AFTPH: variants seen among roughly 807,000 people sequenced by gnomAD.
AFTPH encodes aftiphilin protein.
AFTPH carries 7 observed loss-of-function variants against 72.5 expected under a neutral mutation model. The ratio of observed to expected loss-of-function variants is 0.10; its 90% CI spans 0.05 to 0.18. AFTPH has a LOEUF of 0.18. Ranked by LOEUF, AFTPH falls within the 10% of genes least tolerant of loss-of-function variation. The probability of loss-of-function intolerance (pLI) is 1.00; values close to 1 mark genes in which losing one functional copy is unlikely to be tolerated. For missense variants in AFTPH, 979 were observed against 1,060.5 expected (o/e 0.92, Z 1.07); for synonymous variants, 337 against 370.1 (o/e 0.91, Z 1.03).
At chr2:64,552,251 A>G in exon 2 of AFTPH, 1 of 1,614,026 alleles carries the variant, frequency 6.2e-7, no homozygotes, top group Non-Finnish European at 8.5e-7. Context: ...GAGAAGCACT[A>G]ACCATTCGGG....
intron 1 of AFTPH, among the ~76,000 whole-genome samples, chr2:64,526,797 G>A (rs1286341019): frequency 6.6e-6 from 1 of 152,126 alleles, no homozygotes; most frequent in Non-Finnish European, 1.5e-5. Flanking sequence ...TGCTTCCTAT[G>A]AGCAAGATAG....
At chr2:64,584,744 C>T (rs1673405592) in intron 7 of AFTPH, among the ~76,000 whole-genome samples, 2 of 151,926 alleles carry the variant, frequency 1.3e-5, no homozygotes, top group Admixed American at 6.6e-5. Context: ...CTACAGGCGC[C>T]CACCACCATG....
chr2:64,559,064 A>G (rs369056790), intron 2 of AFTPH, among the ~76,000 whole-genome samples: 28 of 152,364 alleles, frequency 1.8e-4, no homozygotes, highest in African/African-American at 6.7e-4. Context: ...ACATTACAAC[A>G]AAATGACATT....
At chr2:64,526,549 ATTCTT>A (rs1202279842) in intron 1 of AFTPH, among the ~76,000 whole-genome samples, 3 of 152,186 alleles carry the variant, frequency 2.0e-5, no homozygotes, top group Non-Finnish European at 4.4e-5. Flanking sequence ...TTTTCCCTCT[ATTCTT>A]AGCACTTTCA....
rs34951706 is a variant in AFTPH at position 64,549,308 on chromosome 2, C to CTTTT, written c.-32-2108_-32-2105dup. ...CTAGGACTTTGGCTGTTAGTCCTCC[C>CTTTT]TTTTTTTTTTTTTTTTTTTTTTTTT... On this transcript the variant is annotated intron_variant, in intron 1 of 8. Coordinates refer to ENST00000238856, the Ensembl canonical transcript of AFTPH. 7.5e-4 allele frequency among the ~76,000 whole-genome samples: 42 copies of CTTTT among 56,026 alleles called. 3 individuals are homozygous for CTTTT. The highest frequency in any genetic ancestry group is 2.1e-3 in the African/African-American group (34 of 16,392). 36.8% of individuals were successfully genotyped at this position (56,026 alleles called of 152,430 possible).
At chr2:64,565,452 G>T (rs1672013815) in intron 2 of AFTPH, among the ~76,000 whole-genome samples, 1 of 144,446 alleles carries the variant, frequency 6.9e-6, no homozygotes, top group South Asian at 2.2e-4. Context: ...TCCAACCTGG[G>T]TGACAGAGCG....
intron 2 of AFTPH, among the ~76,000 whole-genome samples, chr2:64,563,013 C>G (rs959530082): frequency 3.9e-5 from 6 of 152,146 alleles, no homozygotes; most frequent in African/African-American, 1.4e-4. Flanking sequence ...TTGATGCAAC[C>G]TTTTTCTGCA....
At chr2:64,572,517 G>A (rs1309640663) in intron 5 of AFTPH, among the ~76,000 whole-genome samples, 2 of 152,114 alleles carry the variant, frequency 1.3e-5, no homozygotes, top group Admixed American at 6.5e-5. Flanking sequence ...GGTTAGATGT[G>A]ACATATTGTT....
chr2:64,571,615 G>A (rs981785099), intron 5 of AFTPH, among the ~76,000 whole-genome samples: 2 of 152,150 alleles, frequency 1.3e-5, no homozygotes, highest in Non-Finnish European at 2.9e-5. Context: ...TATTGGGGAA[G>A]GGAGGAGGCA....
At chr2:64,526,176 GC>G (rs1293687724) in intron 1 of AFTPH, among the ~76,000 whole-genome samples, 22 of 152,292 alleles carry the variant, frequency 1.4e-4, no homozygotes, top group African/African-American at 5.3e-4. Context: ...GATACATCTT[GC>G]CGAATCCAGT....
At chr2:64,561,466 G>A (rs1172592280) in intron 2 of AFTPH, among the ~76,000 whole-genome samples, 1 of 152,124 alleles carries the variant, frequency 6.6e-6, no homozygotes, top group Non-Finnish European at 1.5e-5. Context: ...TGCTTGAAAG[G>A]AGGAGTTCAA....
intron 1 of AFTPH, among the ~76,000 whole-genome samples, chr2:64,538,299 A>G (rs1414807240): frequency 1.3e-5 from 2 of 152,050 alleles, no homozygotes; most frequent in East Asian, 1.9e-4. Context: ...TAGCCTTTCT[A>G]CCTCTCAGGA....
intron 1 of AFTPH, among the ~76,000 whole-genome samples, chr2:64,549,510 G>A (rs1302518091): frequency 6.7e-6 from 1 of 149,480 alleles, no homozygotes; most frequent in Non-Finnish European, 1.5e-5. Context: ...TAGTAGAGGT[G>A]GGGTTTCACC....
intron 1 of AFTPH, among the ~76,000 whole-genome samples, 168 bp downstream of exon 1, chr2:64,524,780 G>A (rs1450258014): frequency 6.6e-6 from 1 of 152,242 alleles, no homozygotes; most frequent in Non-Finnish European, 1.5e-5. Flanking sequence ...TCCCGGCTCT[G>A]CTCTCTTCTG....
chr2:64,546,324 T>A (rs1167784248), intron 1 of AFTPH, among the ~76,000 whole-genome samples: 1 of 152,190 alleles, frequency 6.6e-6, no homozygotes, highest in Non-Finnish European at 1.5e-5. Flanking sequence ...GTTATGAGCA[T>A]GTAAAACTAA....
chr2:64,572,178 C>A (rs1558624028), intron 5 of AFTPH, among the ~76,000 whole-genome samples: 1 of 148,734 alleles, frequency 6.7e-6, no homozygotes, highest in Non-Finnish European at 1.5e-5. Flanking sequence ...TGAGATCACA[C>A]CATTGCACTC....
At chr2:64,588,279 G>A (rs1238838827) in intron 8 of AFTPH, among the ~76,000 whole-genome samples, 2 of 152,034 alleles carry the variant, frequency 1.3e-5, no homozygotes, top group East Asian at 1.9e-4. Flanking sequence ...GTATGTATCC[G>A]TATTTGTTTT....
At chr2:64,588,189 A>G (rs922447704) in intron 8 of AFTPH, among the ~76,000 whole-genome samples, 4 of 151,846 alleles carry the variant, frequency 2.6e-5, no homozygotes, top group Admixed American at 6.6e-5. Flanking sequence ...GTTATTTCAT[A>G]TAGATGGAAT....
chr2:64,565,709 A>G (rs910865133), intron 2 of AFTPH, among the ~76,000 whole-genome samples: 5 of 152,216 alleles, frequency 3.3e-5, no homozygotes, highest in Admixed American at 2.6e-4. Flanking sequence ...AAGGCCTAAC[A>G]TATTTACTGT....
Sources: gnomAD v4.1 joint callset for allele counts (sites outside exome capture counted in the v4.1 genomes callset) on GRCh38, gnomAD v4.1.1 for gene constraint, MANE v1.5 for transcripts, NCBI Gene and HGNC (gene_info 2026-07-23, HGNC 2026-07-21) for gene names.